Variants in YIPF4 observed in about 807,000 individuals in gnomAD.
YIPF4 encodes Yip1 domain family member 4, also known as protein YIPF4.
A neutral mutation model predicts 29.4 loss-of-function variants in YIPF4; 18 were observed. The observed-to-expected ratio is 0.61, with a 90% CI of 0.42 to 0.91. The LOEUF is 0.91. Ranked by LOEUF, YIPF4 falls within the 40% of genes least tolerant of loss-of-function variation. The pLI is 0.00. For synonymous variants in YIPF4, 115 were observed against 104.7 expected (o/e 1.10, Z -0.60); for missense variants, 279 against 282.7 (o/e 0.99, Z 0.09).
rs2031834868 is a variant in YIPF4 at position 32,316,383 on chromosome 2, G to A, written c.*10757G>A. The stretch of plus-strand genomic sequence containing the variant: ...TGCACAAATTCATTCATGATTAAAT[G>A]TGAATTAACAACGTTGGCCTCTCGG... On this transcript the variant is annotated 3_prime_UTR_variant, in exon 6 of 6. Transcript: ENST00000238831. The A allele has an allele frequency of 1.3e-5, 2 of 152,192 alleles. No individual in the cohort carries two copies. The highest frequency in any genetic ancestry group is 4.1e-4 in the South Asian group (2 of 4,832). 9.4% of individuals were successfully genotyped at this position (152,192 alleles called of 1,614,324 possible).
chr2:32,290,445 G>T (rs1412332419), intron 1 of YIPF4, 38 bp from the exon 2 acceptor site: 10 of 1,383,176 alleles, frequency 7.2e-6, no homozygotes, highest in Non-Finnish European at 8.5e-6. Flanking sequence ...CACATGTTGT[G>T]CCTTAGTTTA....
At chr2:32,284,781 A>C (rs1243431089) in intron 1 of YIPF4, among the ~76,000 whole-genome samples, 2 of 152,206 alleles carry the variant, frequency 1.3e-5, no homozygotes, top group African/African-American at 4.8e-5. Context: ...ACAGCCTGGC[A>C]CAAGGTCCCT....
At position 32,307,928 on chromosome 2, in the gene YIPF4, C is replaced by CAAAAA. The variant is rs70938335; in HGVS notation, c.*2324_*2328dup. On this transcript the variant is annotated 3_prime_UTR_variant, in exon 6 of 6. Coordinates refer to ENST00000238831, the MANE Select transcript of YIPF4 (RefSeq NM_032312.4). ...CCTGGGTAACAGAGCAAGACTCTCT[C>CAAAAA]AAAAAAAAAAAAAAAAAAAAAAAAA... 4.1e-5 allele frequency: 2 copies of CAAAAA among 48,946 alleles called. No individual in the cohort carries two copies. Among genetic ancestry groups the CAAAAA allele is most frequent in the African/African-American group, 8.8e-5 (1 of 11,368 alleles). 3.0% of individuals were successfully genotyped at this position (48,946 alleles called of 1,614,324 possible).
At chr2:32,287,057 C>T (rs1304325475) in intron 1 of YIPF4, among the ~76,000 whole-genome samples, 1 of 151,964 alleles carries the variant, frequency 6.6e-6, no homozygotes, top group East Asian at 1.9e-4. Context: ...CCAGACTGGC[C>T]AACATGTTGA....
chr2:32,289,519 G>A (rs1311565702), intron 1 of YIPF4, among the ~76,000 whole-genome samples: 2 of 152,156 alleles, frequency 1.3e-5, no homozygotes, highest in African/African-American at 2.4e-5. Flanking sequence ...GTATTTTTCT[G>A]AAATAATACT....
chr2:32,292,376 C>G (rs370822849), intron 3 of YIPF4, 28 bp downstream of exon 3: 73 of 1,423,566 alleles, frequency 5.1e-5, no homozygotes, highest in South Asian at 3.3e-4. Context: ...TATACAAATT[C>G]TAAATATTTT....
intron 1 of YIPF4, among the ~76,000 whole-genome samples, chr2:32,287,846 T>C (rs1002300493): frequency 6.6e-6 from 1 of 152,230 alleles, no homozygotes. Flanking sequence ...TCTTTTTAAA[T>C]CCACTTTTAT....
intron 2 of YIPF4, among the ~76,000 whole-genome samples, chr2:32,291,766 A>C (rs1419049263): frequency 6.6e-6 from 1 of 152,210 alleles, no homozygotes; most frequent in Non-Finnish European, 1.5e-5. Context: ...AAGATGTTGA[A>C]AGAAAGAATT....
intron 1 of YIPF4, among the ~76,000 whole-genome samples, chr2:32,280,845 A>C (rs1196020104): frequency 6.6e-6 from 1 of 152,158 alleles, no homozygotes; most frequent in Non-Finnish European, 1.5e-5. Context: ...TTTCATCTAC[A>C]TTTGGTAGCA....
At position 32,301,424 on chromosome 2, in the gene YIPF4, C is replaced by T; in HGVS notation, c.526C>T (p.Leu176Phe). The T allele has an allele frequency of 1.2e-6, 2 of 1,613,774 alleles. No homozygotes were observed. Among genetic ancestry groups the T allele is most frequent in the Non-Finnish European group, 8.5e-7 (1 of 1,179,836 alleles). Residue 176 changes from leucine to phenylalanine, a missense_variant, in exon 5 of 6, where the codon CTT (leucine) becomes TTT (phenylalanine). Transcript: ENST00000238831. ...CCTTGGAGTTATAGGATATTCATTA[C>T]TTCCTCTCATTGTAATAGCCCCTGT... ...QVLGVIGYSL[L>F]PLIVIAPVLL...
rs957052425 is a variant in YIPF4, at chr2:32,312,890, C to A, written c.*7264C>A. 8 of 152,192 alleles carry A rather than the reference C, an allele frequency of 5.3e-5. No individual in the cohort carries two copies. The highest frequency in any genetic ancestry group is 1.9e-4 in the African/African-American group (8 of 41,408). The allele number at this position is 152,192 out of a possible 1,614,324, so 9.4% of individuals were successfully genotyped here. A position where few individuals can be genotyped will look rare whatever the true frequency, so the allele number is the denominator to read the frequency against. On this transcript the variant is annotated 3_prime_UTR_variant, in exon 6 of 6. Transcript: ENST00000238831. ...CCTGTAGTCCCAGCTGCTTGGGAGG[C>A]TGCGGCAGGAGAATGGTGTGAACCC...
At chr2:32,294,810 A>G (rs900594297) in intron 3 of YIPF4, among the ~76,000 whole-genome samples, 4 of 152,220 alleles carry the variant, frequency 2.6e-5, no homozygotes, top group Admixed American at 6.5e-5. Context: ...ACCGTCTGCA[A>G]TCCCGGCACC....
intron 2 of YIPF4, among the ~76,000 whole-genome samples, chr2:32,291,660 C>A (rs2030923296): frequency 6.6e-6 from 1 of 152,156 alleles, no homozygotes; most frequent in Admixed American, 6.5e-5. Context: ...AAAGCTGGGA[C>A]ATCAAAGGGC....
intron 5 of YIPF4, 72 bp downstream of exon 5, chr2:32,301,567 G>A: frequency 4.0e-6 from 4 of 1,003,754 alleles, no homozygotes; most frequent in Non-Finnish European, 6.0e-6. Context: ...CTCTAGCTAG[G>A]AATATTGTGA....
Position 32,278,116 on chromosome 2 carries a change from G to T in YIPF4, c.-40G>T, listed in dbSNP as rs1449727453. On this transcript the variant is annotated 5_prime_UTR_variant, in exon 1 of 6. Transcript: ENST00000238831. ...GCCGCCTCGGGGTCTGGGCCCAGCC[G>T]CAGCCTCTTCTACCGCGGCCGGTTG... is the stretch of plus-strand genomic sequence containing the variant. The T allele has an allele frequency of 3.3e-6, 5 of 1,531,408 alleles. No homozygotes were observed. The highest frequency in any genetic ancestry group is 4.4e-6 in the Non-Finnish European group (5 of 1,136,708). The allele number at this position is 1,531,408 out of a possible 1,614,324, so 94.9% of individuals were successfully genotyped here.
intron 3 of YIPF4, among the ~76,000 whole-genome samples, chr2:32,297,857 A>C (rs559160703): frequency 6.6e-6 from 1 of 152,302 alleles, no homozygotes; most frequent in South Asian, 2.1e-4. Context: ...ACTTGAATAA[A>C]TATGTAATCT....
At chr2:32,292,058 G>A (rs2030941174) in intron 2 of YIPF4, 119 bp from the exon 3 acceptor site, 4 of 583,234 alleles carry the variant, frequency 6.9e-6, no homozygotes, top group Non-Finnish European at 1.1e-5. Flanking sequence ...AAATGCAAAT[G>A]TTTTGTTGAC....
chr2:32,294,490 C>G (rs2031086815), intron 3 of YIPF4, among the ~76,000 whole-genome samples: 2 of 151,764 alleles, frequency 1.3e-5, no homozygotes, highest in African/African-American at 4.8e-5. Flanking sequence ...AGAGACGCTC[C>G]TCGCTTCCTA....
intron 3 of YIPF4, among the ~76,000 whole-genome samples, chr2:32,297,939 G>A (rs2031257034): frequency 6.6e-6 from 1 of 151,840 alleles, no homozygotes; most frequent in South Asian, 2.1e-4. Context: ...GATGCTGTAA[G>A]ACAGGGGGTT....
Sources: allele counts gnomAD v4.1 joint callset (sites outside exome capture counted in the v4.1 genomes callset), GRCh38; gene constraint gnomAD v4.1.1; transcripts MANE v1.5; gene names NCBI Gene and HGNC (gene_info 2026-07-23, HGNC 2026-07-21).